Variants in FERRY3 observed in about 807,000 individuals in gnomAD.
FERRY3 encodes the protein FERRY endosomal RAB5 effector complex subunit 3, also known as protein C12orf4.
chr12:4,500,024 C>A, the FERRY3 span: 1 of 1,013,224 alleles, frequency 9.9e-7, no homozygotes. Context: ...ATCGGAGATG[C>A]AAAAATCCAT....
At chr12:4,530,765 G>A in the FERRY3 span, among the ~76,000 whole-genome samples, 1 of 152,088 alleles carries the variant, frequency 6.6e-6, no homozygotes, top group Non-Finnish European at 1.5e-5. Context: ...AGCAGAAACA[G>A]GGAGAAACAA....
the FERRY3 span, among the ~76,000 whole-genome samples, chr12:4,521,439 A>G: frequency 6.6e-6 from 1 of 152,184 alleles, no homozygotes; most frequent in Non-Finnish European, 1.5e-5. Flanking sequence ...CACTGTCGAG[A>G]TAAAGCAATC....
chr12:4,520,544 C>T, the FERRY3 span, among the ~76,000 whole-genome samples: 1 of 152,184 alleles, frequency 6.6e-6, no homozygotes, highest in Non-Finnish European at 1.5e-5. Flanking sequence ...CCTGGACCCC[C>T]AAGTGCCGTT....
the FERRY3 span, among the ~76,000 whole-genome samples, chr12:4,515,574 T>C: frequency 6.6e-6 from 1 of 152,058 alleles, no homozygotes. Flanking sequence ...ACAAATATTA[T>C]ATCATCTCAC....
At chr12:4,505,545 C>T in the FERRY3 span, among the ~76,000 whole-genome samples, 1 of 152,222 alleles carries the variant, frequency 6.6e-6, no homozygotes, top group Admixed American at 6.5e-5. Context: ...TTAATTCTTA[C>T]AAAACCTCTA....
the FERRY3 span, among the ~76,000 whole-genome samples, chr12:4,505,947 AT>A: frequency 6.6e-5 from 10 of 152,294 alleles, no homozygotes; most frequent in Admixed American, 6.5e-4. Context: ...CTGACGCTAT[AT>A]ACAATTATAA....
the FERRY3 span, among the ~76,000 whole-genome samples, chr12:4,507,529 C>G: frequency 3.5e-3 from 535 of 152,088 alleles, 5 homozygotes; most frequent in African/African-American, 0.012. Flanking sequence ...CAGGAATTAT[C>G]TTTAGGAATC....
At chr12:4,508,514 G>A in the FERRY3 span, among the ~76,000 whole-genome samples, 1 of 152,154 alleles carries the variant, frequency 6.6e-6, no homozygotes, top group Non-Finnish European at 1.5e-5. Flanking sequence ...GGAGGCCAAG[G>A]TGGGCAGATC....
At chr12:4,490,343 A>G in the FERRY3 span, among the ~76,000 whole-genome samples, 3 of 152,210 alleles carry the variant, frequency 2.0e-5, no homozygotes, top group Admixed American at 6.5e-5. Context: ...GTAGATGCTA[A>G]TATCTTTGAC....
At chr12:4,506,115 T>C in the FERRY3 span, among the ~76,000 whole-genome samples, 1 of 152,136 alleles carries the variant, frequency 6.6e-6, no homozygotes, top group Non-Finnish European at 1.5e-5. Context: ...TTATTTTACA[T>C]ATATATTTTA....
At chr12:4,505,479 C>T in the FERRY3 span, 1 of 766,138 alleles carries the variant, frequency 1.3e-6, no homozygotes, top group South Asian at 1.6e-5. Flanking sequence ...CAAAAATTCA[C>T]TAAGGGCATC....
At chr12:4,531,947 T>G in the FERRY3 span, among the ~76,000 whole-genome samples, 5 of 152,200 alleles carry the variant, frequency 3.3e-5, no homozygotes, top group African/African-American at 4.8e-5. Flanking sequence ...GGAATCAGGC[T>G]GGCAGGACCA....
the FERRY3 span, among the ~76,000 whole-genome samples, chr12:4,511,249 A>T: frequency 6.6e-6 from 1 of 151,656 alleles, no homozygotes; most frequent in East Asian, 1.9e-4. Flanking sequence ...GCAAGTCCTG[A>T]GTGACCTACA....
At chr12:4,498,197 T>C in the FERRY3 span, among the ~76,000 whole-genome samples, 3 of 152,234 alleles carry the variant, frequency 2.0e-5, no homozygotes, top group South Asian at 6.2e-4. Context: ...TTAGTGACTT[T>C]TGGAAACACT....
the FERRY3 span, chr12:4,517,318 C>A: frequency 9.6e-7 from 1 of 1,041,278 alleles, no homozygotes. Flanking sequence ...TTATACTTGT[C>A]TTTTAAATAA....
the FERRY3 span, among the ~76,000 whole-genome samples, chr12:4,508,223 T>C: frequency 6.6e-6 from 1 of 152,164 alleles, no homozygotes; most frequent in Non-Finnish European, 1.5e-5. Context: ...CAGAAAGGTC[T>C]TCCTTATATC....
At chr12:4,498,316 T>A in the FERRY3 span, among the ~76,000 whole-genome samples, 2 of 152,222 alleles carry the variant, frequency 1.3e-5, no homozygotes, top group Admixed American at 6.5e-5. Flanking sequence ...GAATTCATCA[T>A]AAACTTTGTT....
the FERRY3 span, among the ~76,000 whole-genome samples, chr12:4,503,447 AG>A: frequency 2.1e-4 from 32 of 152,342 alleles, no homozygotes; most frequent in African/African-American, 7.2e-4. Flanking sequence ...GTAAATACTT[AG>A]ATCATTATTA....
the FERRY3 span, among the ~76,000 whole-genome samples, chr12:4,506,012 GT>G: frequency 6.6e-6 from 1 of 151,866 alleles, no homozygotes; most frequent in East Asian, 1.9e-4. Flanking sequence ...ATATTTAACA[GT>G]TTTTCTTCTT....
Sources: allele counts gnomAD v4.1 joint callset (sites outside exome capture counted in the v4.1 genomes callset), GRCh38; gene constraint gnomAD v4.1.1; transcripts MANE v1.5; gene names NCBI Gene and HGNC (gene_info 2026-07-23, HGNC 2026-07-21).